The following AFF3 variants were observed in gnomAD, a reference collection of about 807,000 sequenced individuals.
AFF3 encodes the protein AF4/FMR2 family member 3.
In AFF3, 32 loss-of-function variants were observed where a neutral mutation model predicts 129.7. The observed-to-expected ratio is 0.25, with a 90% CI of 0.19 to 0.33. The LOEUF (loss-of-function observed/expected upper bound fraction) is 0.33, where lower values mean the gene tolerates loss of function less well. Ranked by LOEUF, AFF3 falls within the 10% of genes least tolerant of loss-of-function variation. AFF3 has a pLI of 1.00. For missense variants in AFF3, 1,373 were observed against 1,592.0 expected (o/e 0.86, Z 2.34); for synonymous variants, 644 against 635.4 (o/e 1.01, Z -0.20).
chr2:99,962,850 AAATAATAATAATAAT>A lies in AFF3; in HGVS notation c.873+43767_873+43781del, dbSNP rs70940192. 4.1e-4 allele frequency among the ~76,000 whole-genome samples: 58 copies of A among 142,064 alleles called. 1 individual carries two copies. Among genetic ancestry groups the A allele is most frequent in the East Asian group, 2.1e-3 (10 of 4,872 alleles). The allele number at this position is 142,064 out of a possible 152,430, so 93.2% of individuals were successfully genotyped here. On this transcript the variant is annotated intron_variant, in intron 7 of 24. Transcript: ENST00000672756. ...GGAAAGTATGGATGAAAGAGTATTC[AAATAATAATAATAAT>A]AATAATAATAATAATAATAATAATA...
intron 8 of AFF3, among the ~76,000 whole-genome samples, chr2:99,772,656 C>T (rs910045891): frequency 6.6e-6 from 1 of 152,164 alleles, no homozygotes; most frequent in African/African-American, 2.4e-5. Flanking sequence ...AGTGATATGG[C>T]TAAGCCTAGC....
At chr2:99,988,998 A>C (rs1021325600) in intron 7 of AFF3, among the ~76,000 whole-genome samples, 2 of 152,232 alleles carry the variant, frequency 1.3e-5, no homozygotes, top group African/African-American at 4.8e-5. Flanking sequence ...TTTCTAGGAT[A>C]AAATTAAAAG....
At chr2:99,675,484 T>C (rs4410333) in intron 11 of AFF3, among the ~76,000 whole-genome samples, 92,301 of 152,068 alleles carry the variant, frequency 0.61, 29,205 homozygotes, top group African/African-American at 0.8. Context: ...CAGGAACCCT[T>C]TGCTTTATTC....
chr2:99,741,606 G>A lies in AFF3; in HGVS notation c.1039+2498C>T, dbSNP rs527245464. 1.8e-3 allele frequency among the ~76,000 whole-genome samples: 272 copies of A among 152,258 alleles called. 1 individual carries two copies. Among genetic ancestry groups the A allele is most frequent in the Middle Eastern group, 6.8e-3 (2 of 292 alleles). On this transcript the variant is annotated intron_variant, in intron 10 of 24. Transcript: ENST00000672756. ...AACGGAAGAACATTCCATGCTCATG[G>A]GTAGGAAGAATCAATATCATGAAAA...
intron 9 of AFF3, among the ~76,000 whole-genome samples, chr2:99,748,842 G>T (rs555583906): frequency 5.6e-4 from 86 of 152,306 alleles, no homozygotes; most frequent in African/African-American, 2.0e-3. Context: ...TTGACCCAAG[G>T]ATGGCTCTGT....
intron 2 of AFF3, among the ~76,000 whole-genome samples, chr2:100,128,402 C>A (rs960839811): frequency 4.6e-5 from 7 of 152,130 alleles, no homozygotes; most frequent in Admixed American, 2.0e-4. Context: ...TCTCTCTTTC[C>A]TCTAGCCCAG....
intron 7 of AFF3, among the ~76,000 whole-genome samples, chr2:99,903,132 C>T (rs1005501927): frequency 2.0e-5 from 3 of 151,938 alleles, no homozygotes; most frequent in Non-Finnish European, 4.4e-5. Context: ...ACCATTACAC[C>T]CTATTTCAAG....
chr2:99,773,133 A>C (rs1018507518), intron 8 of AFF3, among the ~76,000 whole-genome samples: 2 of 152,320 alleles, frequency 1.3e-5, no homozygotes, highest in Non-Finnish European at 2.9e-5. Flanking sequence ...TGTTCAGGAA[A>C]CACCTGCTCA....
chr2:99,776,742 C>A (rs1349755567), intron 8 of AFF3, among the ~76,000 whole-genome samples: 3 of 152,184 alleles, frequency 2.0e-5, no homozygotes, highest in Admixed American at 1.3e-4. Context: ...CTGCTAAAAT[C>A]ATCTTTTATT....
chr2:99,728,959 A>T (rs1679580858), intron 10 of AFF3, among the ~76,000 whole-genome samples: 1 of 152,032 alleles, frequency 6.6e-6, no homozygotes, highest in Non-Finnish European at 1.5e-5. Context: ...TTTTCCATGG[A>T]CTAACCACAA....
At chr2:99,774,468 C>T (rs191611925) in intron 8 of AFF3, among the ~76,000 whole-genome samples, 1 of 152,156 alleles carries the variant, frequency 6.6e-6, no homozygotes, top group Non-Finnish European at 1.5e-5. Context: ...CTTTGACAAA[C>T]CTGACAAAAA....
At chr2:100,084,591 C>T (rs536910154) in intron 4 of AFF3, among the ~76,000 whole-genome samples, 1 of 151,962 alleles carries the variant, frequency 6.6e-6, no homozygotes, top group Non-Finnish European at 1.5e-5. Context: ...TTGATCATTA[C>T]ACGTCGTATG....
At chr2:99,817,178 AG>A (rs1343160325) in intron 8 of AFF3, among the ~76,000 whole-genome samples, 2 of 152,180 alleles carry the variant, frequency 1.3e-5, no homozygotes, top group Non-Finnish European at 2.9e-5. Flanking sequence ...AGGCTTCTCG[AG>A]ATTCTCCCAG....
chr2:100,019,905 T>A (rs933289095), intron 4 of AFF3, among the ~76,000 whole-genome samples: 1 of 152,222 alleles, frequency 6.6e-6, no homozygotes, highest in Non-Finnish European at 1.5e-5. Context: ...CACCTTCCCA[T>A]AGATGCCACT....
chr2:100,018,781 A>G (rs1683349864), intron 4 of AFF3, among the ~76,000 whole-genome samples: 1 of 151,980 alleles, frequency 6.6e-6, no homozygotes, highest in Admixed American at 6.6e-5. Flanking sequence ...AGTCCCTACT[A>G]TGCTATTTCA....
chr2:99,573,591 C>G (rs1000467470), intron 18 of AFF3, among the ~76,000 whole-genome samples: 3 of 152,126 alleles, frequency 2.0e-5, no homozygotes, highest in Non-Finnish European at 4.4e-5. Context: ...GCGAGTATTC[C>G]CATCCTCTAT....
chr2:99,812,215 T>G (rs1211743490), intron 8 of AFF3, among the ~76,000 whole-genome samples: 1 of 152,190 alleles, frequency 6.6e-6, no homozygotes, highest in Non-Finnish European at 1.5e-5. Flanking sequence ...CTACATTTTC[T>G]CCCTCTCCAT....
rs1674287842 is a variant in AFF3, at chr2:99,549,891, T to C, written c.*1583A>G. Reference sequence around the variant, plus strand: ...TTTATGGATCAGCATCTAGTCTAAGTATTTTGTGCCGTCATCACCTTGAAA... The same window carrying C: ...TTTATGGATCAGCATCTAGTCTAAGCATTTTGTGCCGTCATCACCTTGAAA... On this transcript the variant is annotated 3_prime_UTR_variant, in exon 25 of 25. Coordinates refer to ENST00000672756, the MANE Select transcript of AFF3 (RefSeq NM_001386135.1). 1 of 225,608 alleles carries C rather than the reference T, an allele frequency of 4.4e-6. No homozygotes were observed. Among genetic ancestry groups the C allele is most frequent in the East Asian group, 6.4e-5 (1 of 15,596 alleles). The allele number at this position is 225,608 out of a possible 1,614,324, so 14.0% of individuals were successfully genotyped here. A position where few individuals can be genotyped will look rare whatever the true frequency, so the allele number is the denominator to read the frequency against.
At chr2:99,993,457 G>C (rs545932175) in intron 7 of AFF3, among the ~76,000 whole-genome samples, 1 of 152,034 alleles carries the variant, frequency 6.6e-6, no homozygotes, top group African/African-American at 2.4e-5. Flanking sequence ...AGTAATCATT[G>C]GGGGGCATAA....
Sources: gnomAD v4.1 joint callset for allele counts (sites outside exome capture counted in the v4.1 genomes callset) on GRCh38, gnomAD v4.1.1 for gene constraint, MANE v1.5 for transcripts, NCBI Gene and HGNC (gene_info 2026-07-23, HGNC 2026-07-21) for gene names.